Variants in ANKRD62 observed in about 807,000 individuals in gnomAD.
ANKRD62 encodes the protein ankyrin repeat domain 62.
A neutral mutation model predicts 98.8 loss-of-function variants in ANKRD62; 61 were observed. That is an observed-to-expected ratio of 0.62 (90% confidence interval 0.50 to 0.76). The LOEUF (loss-of-function observed/expected upper bound fraction) is 0.76, where lower values mean the gene tolerates loss of function less well. Ranked by LOEUF, ANKRD62 falls within the 30% of genes least tolerant of loss-of-function variation. The probability of loss-of-function intolerance (pLI) is 0.00; values close to 1 mark genes in which losing one functional copy is unlikely to be tolerated. For missense variants in ANKRD62, 933 were observed against 1,082.9 expected (o/e 0.86, Z 1.94); for synonymous variants, 341 against 367.9 (o/e 0.93, Z 0.84).
intron 6 of ANKRD62, 38 bp from the exon 7 acceptor site, chr18:12,103,120 G>A (rs1329622771): frequency 7.8e-7 from 1 of 1,281,152 alleles, no homozygotes; most frequent in East Asian, 2.9e-5. Context: ...ATTGTTCTAA[G>A]TAGTTCATTT....
the ANKRD62 span, among the ~76,000 whole-genome samples, chr18:12,172,454 C>G: frequency 1.3e-5 from 2 of 152,136 alleles, no homozygotes; most frequent in African/African-American, 4.8e-5. Flanking sequence ...GCTTGCAGAA[C>G]AGCAATGTTG....
intron 7 of ANKRD62, among the ~76,000 whole-genome samples, chr18:12,106,016 C>G (rs1401554321): frequency 2.0e-5 from 3 of 152,122 alleles, no homozygotes; most frequent in Non-Finnish European, 4.4e-5. Flanking sequence ...TGTGTCTGTC[C>G]TTGAGAGTTG....
At chr18:12,164,386 C>A in the ANKRD62 span, among the ~76,000 whole-genome samples, 1 of 151,750 alleles carries the variant, frequency 6.6e-6, no homozygotes, top group African/African-American at 2.4e-5. Flanking sequence ...GGTCTTCTCC[C>A]TTTTTTTCTT....
At chr18:12,155,581 C>T in the ANKRD62 span, among the ~76,000 whole-genome samples, 1,603 of 152,296 alleles carry the variant, frequency 0.011, 23 homozygotes, top group African/African-American at 0.036. Context: ...TCTGCCTGGG[C>T]TTGGGGGATC....
the ANKRD62 span, among the ~76,000 whole-genome samples, chr18:12,155,072 A>G: frequency 6.6e-6 from 1 of 152,210 alleles, no homozygotes; most frequent in Non-Finnish European, 1.5e-5. Context: ...CTGTGACACA[A>G]GTTTACCTGT....
the ANKRD62 span, among the ~76,000 whole-genome samples, chr18:12,136,831 A>G: frequency 6.6e-6 from 1 of 152,188 alleles, no homozygotes; most frequent in African/African-American, 2.4e-5. Context: ...AAGTACACTC[A>G]TGATTTGGTT....
chr18:12,163,560 T>G, the ANKRD62 span, among the ~76,000 whole-genome samples: 1 of 152,174 alleles, frequency 6.6e-6, no homozygotes, highest in Non-Finnish European at 1.5e-5. Flanking sequence ...ATAACTGTTG[T>G]GAAAGTGGGC....
the ANKRD62 span, among the ~76,000 whole-genome samples, chr18:12,138,787 C>T: frequency 8.5e-5 from 13 of 152,244 alleles, no homozygotes; most frequent in East Asian, 1.7e-3. Context: ...GATCCCTTTA[C>T]CATTATGTAA....
At chr18:12,145,787 C>G in the ANKRD62 span, among the ~76,000 whole-genome samples, 1 of 150,286 alleles carries the variant, frequency 6.7e-6, no homozygotes, top group Non-Finnish European at 1.5e-5. Context: ...CAGAAGTGTT[C>G]CTCTAGTACA....
At chr18:12,129,861 GTTCA>G (rs1435517329), downstream of ANKRD62, 7 of 149,810 alleles carry the variant, frequency 4.7e-5, no homozygotes, top group African/African-American at 1.7e-4. Context: ...ACCATATTTT[GTTCA>G]TTCATTCACC....
chr18:12,174,508 T>C, the ANKRD62 span, among the ~76,000 whole-genome samples: 7 of 152,364 alleles, frequency 4.6e-5, 1 homozygote, highest in East Asian at 1.3e-3. Context: ...TCATTTCAGC[T>C]GTTTCAGCCT....
At chr18:12,125,340 A>G in intron 12 of ANKRD62, 120 bp from the exon 13 acceptor site, 8 of 950,796 alleles carry the variant, frequency 8.4e-6, no homozygotes, top group Non-Finnish European at 1.1e-5. Flanking sequence ...CCAGTTGGAT[A>G]TCCAGATGGC....
chr18:12,165,839 G>A, the ANKRD62 span, among the ~76,000 whole-genome samples: 2 of 151,950 alleles, frequency 1.3e-5, no homozygotes, highest in Non-Finnish European at 2.9e-5. Context: ...CAGGTCTGGT[G>A]CTAATGAAAT....
chr18:12,096,015 A>G (rs1017916849), intron 3 of ANKRD62, among the ~76,000 whole-genome samples, 181 bp from the exon 4 acceptor site: 23 of 152,236 alleles, frequency 1.5e-4, no homozygotes, highest in Admixed American at 9.2e-4. Flanking sequence ...ACACCCTAGG[A>G]GGGGTATCTG....
chr18:12,151,003 A>G, the ANKRD62 span, among the ~76,000 whole-genome samples: 1 of 152,246 alleles, frequency 6.6e-6, no homozygotes, highest in Non-Finnish European at 1.5e-5. Flanking sequence ...CAAGGTGCAT[A>G]TAAAACAAGA....
rs1418420846 is a variant in ANKRD62, at chr18:12,115,255, T to C, written c.1098+134T>C. 2.3e-6 allele frequency: 3 copies of C among 1,282,054 alleles called. No individual in the cohort carries two copies. The East Asian group carries it at 7.7e-5, about 33-fold the overall frequency. The allele number at this position is 1,282,054 out of a possible 1,614,324, so 79.4% of individuals were successfully genotyped here. ...CGGTAACCATTCATAAAAGCACCCT[T>C]TTAACCAAAGTCAGTTATTTTAAGA... On this transcript the variant is annotated intron_variant, in intron 9 of 13. Transcript: ENST00000587848.
In ANKRD62 at chr18:12,122,522, A is replaced by T. The variant is rs1269248606; in HGVS notation, c.1454+6A>T. ...AAAAAGCTCTGTAATTTGAGGTATC[A>T]CATTCTAGTTTTAAAGAAATATTTC... On this transcript the variant is annotated splice_donor_region_variant and intron_variant, in intron 11 of 13. Transcript: ENST00000587848. 1.3e-6 allele frequency: 2 copies of T among 1,504,990 alleles called. No homozygotes were observed. The highest frequency in any genetic ancestry group is 1.8e-6 in the Non-Finnish European group (2 of 1,137,232). The allele number at this position is 1,504,990 out of a possible 1,614,324, so 93.2% of individuals were successfully genotyped here. A position where few individuals can be genotyped will look rare whatever the true frequency, so the allele number is the denominator to read the frequency against.
downstream of ANKRD62, chr18:12,129,878 T>C (rs1909976207): frequency 1.3e-5 from 2 of 152,660 alleles, no homozygotes; most frequent in Non-Finnish European, 2.9e-5. Flanking sequence ...CATTCACCTA[T>C]TGATGGGCAT....
At chr18:12,097,559 A>T in intron 4 of ANKRD62, 81 bp from the exon 5 acceptor site, 1 of 1,394,126 alleles carries the variant, frequency 7.2e-7, no homozygotes, top group Non-Finnish European at 9.5e-7. Context: ...CAGGCATATT[A>T]AATTGGTAAA....
Sources: allele counts gnomAD v4.1 joint callset (sites outside exome capture counted in the v4.1 genomes callset), GRCh38; gene constraint gnomAD v4.1.1; transcripts MANE v1.5; gene names NCBI Gene and HGNC (gene_info 2026-07-23, HGNC 2026-07-21).